EED: variants seen among roughly 807,000 people sequenced by gnomAD.
EED encodes embryonic ectoderm development, also known as polycomb protein EED.
EED carries 9 observed loss-of-function variants against 61.0 expected under a neutral mutation model. That is an observed-to-expected ratio of 0.15 (90% CI 0.09 to 0.26). EED has a LOEUF of 0.26. Among genes scored for constraint, EED ranks in the 10% least tolerant of loss-of-function variants. The pLI, the probability that EED is intolerant of heterozygous loss-of-function variation, is 1.00. For synonymous variants in EED, 187 were observed against 174.4 expected (o/e 1.07, Z -0.57); for missense variants, 315 against 542.3 (o/e 0.58, Z 4.16).
At chr11:86,252,037 C>T (rs1325743389) in intron 2 of EED, 111 bp from the exon 3 acceptor site, 3 of 659,042 alleles carry the variant, frequency 4.6e-6, no homozygotes, top group Admixed American at 5.9e-5. Context: ...ATGTATGATA[C>T]ACAAAATAAT....
At chr11:86,259,515 C>T (rs939770116) in intron 6 of EED, among the ~76,000 whole-genome samples, 3 of 152,168 alleles carry the variant, frequency 2.0e-5, no homozygotes, top group African/African-American at 7.2e-5. Context: ...TGAGGTCTCC[C>T]TGTGTTACCT....
At chr11:86,258,090 C>T (rs1945722727) in intron 6 of EED, among the ~76,000 whole-genome samples, 1 of 152,034 alleles carries the variant, frequency 6.6e-6, no homozygotes, top group African/African-American at 2.4e-5. Flanking sequence ...GATCTTCTTA[C>T]TCCTCCCACC....
downstream of EED, among the ~76,000 whole-genome samples, chr11:86,282,108 A>T (rs897803371): frequency 4.6e-5 from 7 of 152,234 alleles, no homozygotes; most frequent in East Asian, 1.3e-3. Flanking sequence ...GATTGTTTCG[A>T]AGCACATCCC....
At chr11:86,250,597 A>C in intron 2 of EED, 149 bp downstream of exon 2, 1 of 920,050 alleles carries the variant, frequency 1.1e-6, no homozygotes, top group Non-Finnish European at 1.5e-6. Flanking sequence ...TTTGTAGTTC[A>C]GACTGCGTAT....
In EED at chr11:86,245,020, G is replaced by GGCGC. The variant is rs35089551; in HGVS notation, c.-199_-196dup. The GGCGC allele has an allele frequency of 1.5e-5, 7 of 471,026 alleles. No individual in the cohort carries two copies. The highest frequency in any genetic ancestry group is 4.2e-5 in the African/African-American group (2 of 48,192). 29.2% of individuals were successfully genotyped at this position (471,026 alleles called of 1,614,324 possible). A position where few individuals can be genotyped will look rare whatever the true frequency, so the allele number is the denominator to read the frequency against. On this transcript the variant is annotated 5_prime_UTR_variant, in exon 1 of 12. Transcript: ENST00000263360. ...AAGGAGCCAGGAAGCCGCGCGGGAGGGCGCGCGCGCGCGCCCCTTTTTCAG... is the reference window on the plus strand; with the variant it reads ...AAGGAGCCAGGAAGCCGCGCGGGAGGGCGCGCGCGCGCGCGCGCCCCTTTTTCAG...
At chr11:86,263,421 A>G (rs1238966598) in intron 6 of EED, among the ~76,000 whole-genome samples, 1 of 152,210 alleles carries the variant, frequency 6.6e-6, no homozygotes, top group Non-Finnish European at 1.5e-5. Context: ...ATTTATAGCA[A>G]TAGTCCCGTT....
At chr11:86,278,340 GGGTAGACACTGACAAC>G (rs762422060) in intron 11 of EED, 43 bp from the exon 12 acceptor site, 1 of 1,575,406 alleles carries the variant, frequency 6.3e-7, no homozygotes, top group East Asian at 2.3e-5. Flanking sequence ...CGCTGTTTTA[GGGTAGACACTGACAAC>G]GTTATGTGTG....
chr11:86,255,983 C>A (rs933197249), intron 4 of EED, among the ~76,000 whole-genome samples: 2 of 152,110 alleles, frequency 1.3e-5, no homozygotes, highest in Non-Finnish European at 2.9e-5. Context: ...AAGTGGAAAA[C>A]TGAATTGTTC....
At chr11:86,285,148 G>C in the EED span, among the ~76,000 whole-genome samples, 7 of 152,074 alleles carry the variant, frequency 4.6e-5, no homozygotes, top group Non-Finnish European at 7.4e-5. Flanking sequence ...GGCTGGGCAC[G>C]GTGGTTCATG....
chr11:86,250,284 T>G lies in EED; in HGVS notation c.115-12T>G. On this transcript the variant is annotated splice_polypyrimidine_tract_variant and intron_variant, in intron 1 of 11. Transcript: ENST00000263360. ...CTGTTTCATGTAATTTTTCCTCATT[T>G]ACTGCTTACAGGATGACGCTGTCAG... The G allele has an allele frequency of 6.7e-7, 1 of 1,490,818 alleles. No individual in the cohort carries two copies. The highest frequency in any genetic ancestry group is 2.6e-5 in the East Asian group (1 of 38,270). The allele number at this position is 1,490,818 out of a possible 1,614,324, so 92.3% of individuals were successfully genotyped here. A position where few individuals can be genotyped will look rare whatever the true frequency, so the allele number is the denominator to read the frequency against.
intron 7 of EED, 180 bp from the exon 8 acceptor site, chr11:86,265,903 T>C: frequency 2.2e-6 from 1 of 448,464 alleles, no homozygotes; most frequent in Non-Finnish European, 3.9e-6. Context: ...GACAAACTAA[T>C]TAAAGCTGTA....
chr11:86,276,841 T>G (rs1593774535), intron 9 of EED, 139 bp from the exon 10 acceptor site: 1 of 566,204 alleles, frequency 1.8e-6, no homozygotes, highest in Non-Finnish European at 2.7e-6. Context: ...TAAATGAATG[T>G]ACATCACTGT....
chr11:86,252,378 T>G (rs1191009501), intron 3 of EED, 138 bp downstream of exon 3: 2 of 528,064 alleles, frequency 3.8e-6, no homozygotes, highest in Non-Finnish European at 6.5e-6. Context: ...AGAGTGAAGG[T>G]TTCTAGAAAT....
downstream of EED, among the ~76,000 whole-genome samples, chr11:86,279,441 G>T (rs983325612): frequency 2.2e-4 from 34 of 152,128 alleles, no homozygotes; most frequent in African/African-American, 8.2e-4. Flanking sequence ...GGGAATAGTT[G>T]GTTATTTTGT....
chr11:86,259,595 G>C (rs898140458), intron 6 of EED, among the ~76,000 whole-genome samples: 1 of 152,112 alleles, frequency 6.6e-6, no homozygotes, highest in Non-Finnish European at 1.5e-5. Flanking sequence ...TGGGATTACA[G>C]GCATGAGCCA....
rs1945365201 is a variant in EED, at chr11:86,245,324, A to G, written c.95A>G (p.Asp32Gly). The G allele has an allele frequency of 1.2e-6, 2 of 1,612,254 alleles. No individual in the cohort carries two copies. Among genetic ancestry groups the G allele is most frequent in the Non-Finnish European group, 1.7e-6 (2 of 1,179,534 alleles). ...KLSSDENSNP[D>G]LSGDENDDAV... ...AGCAGTGACGAGAACAGCAATCCAG[A>G]CCTCTCTGGAGACGAGAATGTAAGT... Residue 32 changes from aspartate to glycine, a missense_variant, in exon 1 of 12, where the codon GAC (aspartate) becomes GGC (glycine). Transcript: ENST00000263360.
chr11:86,257,185 T>TTGTGTGTGTGTGTGTG (rs71040223), intron 5 of EED, among the ~76,000 whole-genome samples: 11 of 143,356 alleles, frequency 7.7e-5, no homozygotes, highest in African/African-American at 2.9e-4. Context: ...AATTTTTAAT[T>TTGTGTGTGTGTGTGTG]TGTGTGTGTG....
chr11:86,263,373 C>T (rs376198193), intron 6 of EED, among the ~76,000 whole-genome samples: 37 of 152,320 alleles, frequency 2.4e-4, no homozygotes, highest in African/African-American at 7.9e-4. Flanking sequence ...AGCCTCTCCT[C>T]GTTACCCAGT....
chr11:86,246,747 C>T (rs1322805831), intron 1 of EED, among the ~76,000 whole-genome samples: 1 of 152,096 alleles, frequency 6.6e-6, no homozygotes, highest in Non-Finnish European at 1.5e-5. Flanking sequence ...TTTCTCTAGG[C>T]AGATTAGAGT....
Sources: allele counts gnomAD v4.1 joint callset (sites outside exome capture counted in the v4.1 genomes callset), GRCh38; gene constraint gnomAD v4.1.1; transcripts MANE v1.5; gene names NCBI Gene and HGNC (gene_info 2026-07-23, HGNC 2026-07-21).